The following ARHGEF18 variants were observed in gnomAD, a reference collection of about 807,000 sequenced individuals.
The protein encoded by ARHGEF18 is rho guanine nucleotide exchange factor 18.
In ARHGEF18, 93 loss-of-function variants were observed where a neutral mutation model predicts 155.7. That is an observed-to-expected ratio of 0.60 (90% CI 0.50 to 0.71). The LOEUF is 0.71. Ranked by LOEUF, ARHGEF18 falls within the 30% of genes least tolerant of loss-of-function variation. The pLI is 0.00. For synonymous variants in ARHGEF18, 742 were observed against 753.1 expected (o/e 0.99, Z 0.24); for missense variants, 1,593 against 1,816.1 (o/e 0.88, Z 2.23).
At chr19:7,403,553 C>CTTTTTTTTTTTT (rs746180410) in intron 10 of ARHGEF18, among the ~76,000 whole-genome samples, 1 of 122,952 alleles carries the variant, frequency 8.1e-6, no homozygotes. Flanking sequence ...TTCTTTCTTT[C>CTTTTTTTTTTTT]TTTTTTTTTT....
At chr19:7,460,059 T>G (rs1976116423) in intron 20 of ARHGEF18, 65 bp downstream of exon 20, 1 of 1,479,250 alleles carries the variant, frequency 6.8e-7, no homozygotes, top group African/African-American at 1.4e-5. Context: ...CCATCAGGAC[T>G]GGCCACAGAG....
chr19:7,429,201 G>T (rs1460003350), intron 10 of ARHGEF18, among the ~76,000 whole-genome samples: 1 of 152,184 alleles, frequency 6.6e-6, no homozygotes, highest in Non-Finnish European at 1.5e-5. Context: ...GGCCAGAGAG[G>T]GTCTGGACCC....
intron 10 of ARHGEF18, among the ~76,000 whole-genome samples, chr19:7,407,981 A>AC (rs1972438001): frequency 6.6e-6 from 1 of 150,866 alleles, no homozygotes; most frequent in African/African-American, 2.4e-5. Context: ...AAAAAAAAAA[A>AC]AAAAAAGAGG....
intron 10 of ARHGEF18, among the ~76,000 whole-genome samples, chr19:7,385,785 G>A (rs1166993389): frequency 2.0e-5 from 3 of 146,970 alleles, no homozygotes; most frequent in South Asian, 2.1e-4. Flanking sequence ...CTGTCACCTG[G>A]GAACTTTTTC....
chr19:7,408,450 G>A (rs62111682), intron 10 of ARHGEF18, among the ~76,000 whole-genome samples: 14 of 152,198 alleles, frequency 9.2e-5, no homozygotes, highest in Non-Finnish European at 1.8e-4. Context: ...CAGACAGTAG[G>A]GGTTCACCAG....
At chr19:7,472,910 G>A (rs753567249), downstream of ARHGEF18, 13 of 447,600 alleles carry the variant, frequency 2.9e-5, no homozygotes, top group Non-Finnish European at 5.4e-5. Context: ...CCATGTTGGC[G>A]AGGCTGGTCT....
At chr19:7,398,487 C>T (rs1484631293) in intron 10 of ARHGEF18, among the ~76,000 whole-genome samples, 1 of 151,902 alleles carries the variant, frequency 6.6e-6, no homozygotes, top group African/African-American at 2.4e-5. Context: ...GCCAGGAGTT[C>T]GAGACCAGCC....
At chr19:7,438,338 C>T (rs1600440262) in intron 10 of ARHGEF18, among the ~76,000 whole-genome samples, 1 of 151,472 alleles carries the variant, frequency 6.6e-6, no homozygotes, top group African/African-American at 2.4e-5. Flanking sequence ...TGGCCTCAAG[C>T]GATCCTTCCA....
rs909707197 is a variant in ARHGEF18 at position 7,362,775 on chromosome 19, C to T, written c.-110-6C>T. ...CCCTGACACCTTGTCCCTCCTTTCT[C>T]CACAGGCTCTGAGCCCAAGTCATGT... is the stretch of plus-strand genomic sequence containing the variant. On this transcript the variant is annotated splice_region_variant and splice_polypyrimidine_tract_variant and intron_variant, in intron 1 of 28. Transcript: ENST00000668164. 7 of 1,233,680 alleles carry T rather than the reference C, an allele frequency of 5.7e-6. No individual in the cohort carries two copies. The African/African-American group carries it at 7.8e-5, about 14-fold the overall frequency. The allele number at this position is 1,233,680 out of a possible 1,614,324, so 76.4% of individuals were successfully genotyped here. A position where few individuals can be genotyped will look rare whatever the true frequency, so the allele number is the denominator to read the frequency against.
intron 20 of ARHGEF18, 127 bp downstream of exon 20, chr19:7,460,121 C>T (rs1976119626): frequency 1.1e-6 from 1 of 877,146 alleles, no homozygotes. Context: ...TGTGCCATGT[C>T]CTGCAGCTCT....
intron 20 of ARHGEF18, among the ~76,000 whole-genome samples, chr19:7,460,928 A>G (rs1440253542): frequency 2.0e-5 from 3 of 151,666 alleles, no homozygotes; most frequent in Non-Finnish European, 4.4e-5. Context: ...AGCTGGGACT[A>G]TAGGCACCCG....
intron 10 of ARHGEF18, among the ~76,000 whole-genome samples, chr19:7,430,661 T>C (rs1376495818): frequency 2.0e-5 from 3 of 151,870 alleles, no homozygotes; most frequent in African/African-American, 7.3e-5. Flanking sequence ...AAAAATTAGC[T>C]GGGCATGGTG....
In ARHGEF18 at chr19:7,440,808, C is replaced by T. The variant is rs1456438903; in HGVS notation, c.1106+326C>T. ...CCTGCTGGGTGTGTGGAGGCGGCGT[C>T]CCATTATCTGTGCCTTACCTCGTTT... On this transcript the variant is annotated intron_variant, in intron 11 of 28. Transcript: ENST00000668164. This position sits in a 1 kb window ranked among gnomAD's most constrained non-coding sequence, Gnocchi z 5.4. 2.0e-5 allele frequency among the ~76,000 whole-genome samples: 3 copies of T among 152,108 alleles called. No homozygotes were observed. The highest frequency in any genetic ancestry group is 7.2e-5 in the African/African-American group (3 of 41,426).
In ARHGEF18 at chr19:7,467,587, G is replaced by A. The variant is rs1343091521; in HGVS notation, c.3383G>A (p.Arg1128His). 2 of 1,504,770 alleles carry A rather than the reference G, an allele frequency of 1.3e-6. No individual in the cohort carries two copies. Among genetic ancestry groups the A allele is most frequent in the Admixed American group, 2.2e-5 (1 of 46,188 alleles). The allele number at this position is 1,504,770 out of a possible 1,614,324, so 93.2% of individuals were successfully genotyped here. A position where few individuals can be genotyped will look rare whatever the true frequency, so the allele number is the denominator to read the frequency against. ...HDLERLREAQ[R>H]AVERERERLE... is the part of the protein sequence containing the mutation. ...CTGGAGCGGCTGCGCGAGGCCCAGC[G>A]TGCCGTGGAGCGCGAGCGGGAGCGC... Residue 1128 changes from arginine to histidine, a missense_variant, in exon 26 of 29, where the codon CGT becomes CAT. Coordinates refer to ENST00000668164, the MANE Select transcript of ARHGEF18 (RefSeq NM_001367823.1).
In ARHGEF18 at chr19:7,412,674, G is replaced by A. The variant is rs144665534; in HGVS notation, c.968-27670G>A. 6.6e-4 allele frequency among the ~76,000 whole-genome samples: 100 copies of A among 151,626 alleles called. 3 individuals carry two copies. The East Asian group carries it at 0.019, about 28-fold the overall frequency. On this transcript the variant is annotated intron_variant, in intron 10 of 28. Transcript: ENST00000668164. Reference sequence around the variant, plus strand: ...GGAGAATCACTTGAACCCAGGAGGCGGAGGTTGCAGTGAACTGAGATCGAG... The same window carrying A: ...GGAGAATCACTTGAACCCAGGAGGCAGAGGTTGCAGTGAACTGAGATCGAG...
At chr19:7,458,474 G>A (rs1343223085) in intron 18 of ARHGEF18, 38 bp from the exon 19 acceptor site, 3 of 1,596,716 alleles carry the variant, frequency 1.9e-6, no homozygotes, top group Admixed American at 3.4e-5. Flanking sequence ...GTGCTGTGGG[G>A]TAAAGGGTGA....
At chr19:7,356,267 T>G (rs1035130657) in intron 1 of ARHGEF18, among the ~76,000 whole-genome samples, 15 of 145,490 alleles carry the variant, frequency 1.0e-4, no homozygotes, top group African/African-American at 4.2e-4. Flanking sequence ...GAGAGACACT[T>G]TTTCTTTTTT....
Position 7,376,747 on chromosome 19 carries a change from A to C in ARHGEF18, c.531A>C (p.Pro177=). 1 of 1,234,402 alleles carries C rather than the reference A, an allele frequency of 8.1e-7. No homozygotes were observed. The highest frequency in any genetic ancestry group is 1.0e-6 in the Non-Finnish European group (1 of 988,192). The allele number at this position is 1,234,402 out of a possible 1,614,324, so 76.5% of individuals were successfully genotyped here. Residue 177 remains proline (P), a synonymous_variant, in exon 5 of 29, where the codon CCA becomes CCC. Transcript: ENST00000668164. ...EISPGLEVPT[P]PVQGLEPPVL... is the part of the protein sequence containing the mutation. ...CTCCGGGTTTGGAAGTGCCCACTCC[A>C]CCTGTTCAAGGTAGCCAGCCTGGGA...
chr19:7,450,464 G>A, intron 15 of ARHGEF18, among the ~76,000 whole-genome samples: 1 of 6,146 alleles, frequency 1.6e-4, no homozygotes, highest in South Asian at 4.9e-3. Context: ...GTTAATACAG[G>A]ATCTTGCTTT....
Sources: allele counts gnomAD v4.1 joint callset (sites outside exome capture counted in the v4.1 genomes callset), GRCh38; gene constraint gnomAD v4.1.1; non-coding constraint Gnocchi (gnomAD v3.1); transcripts MANE v1.5; gene names NCBI Gene and HGNC (gene_info 2026-07-23, HGNC 2026-07-21).